The following OSBPL11 variants were observed in gnomAD, a reference collection of about 807,000 sequenced individuals.
OSBPL11 encodes the protein oxysterol-binding protein-related protein 11.
A neutral mutation model predicts 84.4 loss-of-function variants in OSBPL11; 33 were observed. That is an observed-to-expected ratio of 0.39 (90% CI 0.30 to 0.52). The LOEUF is 0.52. OSBPL11 is among the 20% of genes least tolerant of loss of function. The pLI, the probability that OSBPL11 is intolerant of heterozygous loss-of-function variation, is 0.72. For missense variants in OSBPL11, 736 were observed against 901.1 expected (o/e 0.82, Z 2.35); for synonymous variants, 276 against 310.2 (o/e 0.89, Z 1.16).
intron 2 of OSBPL11, among the ~76,000 whole-genome samples, chr3:125,580,742 A>T (rs1228080682): frequency 6.6e-6 from 1 of 152,170 alleles, no homozygotes; most frequent in African/African-American, 2.4e-5. Context: ...ATTCACCGGA[A>T]ATAAATCAAA....
At chr3:125,586,598 C>T (rs1292584456) in intron 1 of OSBPL11, among the ~76,000 whole-genome samples, 1 of 151,878 alleles carries the variant, frequency 6.6e-6, no homozygotes, top group African/African-American at 2.4e-5. Context: ...CTACAACCTC[C>T]GCCTGCTGTG....
intron 5 of OSBPL11, among the ~76,000 whole-genome samples, chr3:125,571,255 G>A (rs1936238052): frequency 6.6e-6 from 1 of 152,196 alleles, no homozygotes; most frequent in African/African-American, 2.4e-5. Flanking sequence ...TTTCTAAGCA[G>A]CAAAGCATTC....
intron 1 of OSBPL11, among the ~76,000 whole-genome samples, chr3:125,593,577 G>A (rs191991911): frequency 0.015 from 2,230 of 149,394 alleles, 36 homozygotes; most frequent in Non-Finnish European, 0.02. Context: ...CCGAGATCGC[G>A]CCACCACACT....
At chr3:125,555,783 C>G (rs1215657027) in intron 8 of OSBPL11, among the ~76,000 whole-genome samples, 1 of 152,086 alleles carries the variant, frequency 6.6e-6, no homozygotes, top group African/African-American at 2.4e-5. Context: ...CTCCCAGGTT[C>G]AAGTGATTCC....
In OSBPL11 at chr3:125,530,310, G is replaced by C; in HGVS notation, c.*205C>G. ...TAAGATGGTATTGCTCACATCACAT[G>C]AACAGGTTGGTAAAAGGTCCACTGT... On this transcript the variant is annotated 3_prime_UTR_variant, in exon 13 of 13. Transcript: ENST00000296220. 1.7e-6 allele frequency: 1 copy of C among 587,978 alleles called. No homozygotes were observed. Among genetic ancestry groups the C allele is most frequent in the Non-Finnish European group, 3.1e-6 (1 of 325,288 alleles). 36.4% of individuals were successfully genotyped at this position (587,978 alleles called of 1,614,324 possible).
intron 12 of OSBPL11, among the ~76,000 whole-genome samples, chr3:125,531,511 G>C (rs1177835787): frequency 1.3e-5 from 2 of 148,882 alleles, no homozygotes; most frequent in African/African-American, 5.0e-5. Context: ...GGCTGGTCTC[G>C]AACTCCTGAC....
At chr3:125,577,780 T>A (rs1580059644) in intron 4 of OSBPL11, among the ~76,000 whole-genome samples, 1 of 151,426 alleles carries the variant, frequency 6.6e-6, no homozygotes, top group African/African-American at 2.4e-5. Flanking sequence ...AGTGAGCTGA[T>A]ATCGTGCCAC....
At chr3:125,550,585 TTAA>T (rs538160434) in intron 9 of OSBPL11, among the ~76,000 whole-genome samples, 10 of 152,202 alleles carry the variant, frequency 6.6e-5, no homozygotes, top group Non-Finnish European at 1.5e-4. Flanking sequence ...TTAGATTGGC[TTAA>T]TGATGCCATG....
intron 10 of OSBPL11, among the ~76,000 whole-genome samples, chr3:125,545,817 G>C (rs1231923659): frequency 6.6e-6 from 1 of 152,102 alleles, no homozygotes; most frequent in Non-Finnish European, 1.5e-5. Flanking sequence ...AGTAAGGGAA[G>C]ACAGGTAGAA....
At chr3:125,550,924 T>C (rs550076643) in intron 9 of OSBPL11, among the ~76,000 whole-genome samples, 138 of 152,076 alleles carry the variant, frequency 9.1e-4, no homozygotes, top group African/African-American at 3.2e-3. Context: ...TGCCTGGAGG[T>C]GGAGGCCAAA....
At chr3:125,583,074 G>A (rs1936452097) in intron 1 of OSBPL11, 96 bp from the exon 2 acceptor site, 1 of 790,552 alleles carries the variant, frequency 1.3e-6, no homozygotes, top group Non-Finnish European at 2.0e-6. Context: ...ATACATATAT[G>A]CTCTATAAAT....
chr3:125,594,356 G>A (rs1936647652), intron 1 of OSBPL11, among the ~76,000 whole-genome samples: 1 of 152,214 alleles, frequency 6.6e-6, no homozygotes, highest in African/African-American at 2.4e-5. Flanking sequence ...GCAGAAGTGA[G>A]TACAGAATTA....
intron 7 of OSBPL11, among the ~76,000 whole-genome samples, chr3:125,562,529 T>C (rs183234971): frequency 9.8e-5 from 15 of 152,302 alleles, no homozygotes; most frequent in African/African-American, 3.4e-4. Context: ...ATATATTTCT[T>C]TAAAGAAGTA....
intron 12 of OSBPL11, among the ~76,000 whole-genome samples, chr3:125,531,178 C>T (rs559901050): frequency 1.5e-3 from 224 of 151,310 alleles, no homozygotes; most frequent in Non-Finnish European, 2.6e-3. Context: ...GGGGGTTTCA[C>T]CATGTTGGCC....
chr3:125,552,066 T>A (rs1476814077), intron 9 of OSBPL11, 115 bp downstream of exon 9: 1 of 574,346 alleles, frequency 1.7e-6, no homozygotes, highest in Non-Finnish European at 2.4e-6. Flanking sequence ...TTTCCTTTCT[T>A]TCCTGTTCTA....
chr3:125,546,177 G>GTT (rs761359055), intron 10 of OSBPL11, among the ~76,000 whole-genome samples: 11,062 of 122,924 alleles, frequency 0.09, 924 homozygotes, highest in African/African-American at 0.25. Context: ...GTGTGTGTGT[G>GTT]TTTTTTTTTT....
intron 1 of OSBPL11, among the ~76,000 whole-genome samples, chr3:125,584,110 A>G (rs1936470280): frequency 6.6e-6 from 1 of 152,164 alleles, no homozygotes. Context: ...CACGCCTGTA[A>G]TCCCAGCACT....
chr3:125,585,835 T>G (rs1440073224), intron 1 of OSBPL11, among the ~76,000 whole-genome samples: 1 of 152,210 alleles, frequency 6.6e-6, no homozygotes, highest in Non-Finnish European at 1.5e-5. Context: ...GCATAAAAAG[T>G]GCTCTGTGAC....
rs374993399 is a variant in OSBPL11 at position 125,563,758 on chromosome 3, C to G, written c.954G>C (p.Gln318His). The change falls in exon 7 of 13, where the codon CAG becomes CAC. Residue 318 changes from glutamine (Q) to histidine (H), a missense_variant. Coordinates refer to ENST00000296220, the MANE Select transcript of OSBPL11 (RefSeq NM_022776.5). Reference sequence around the variant, plus strand: ...CTTCTGGGACTGCCACCGGCTTACTCTGATCAGTTGCAAAGGGCTGGTCAG... The same window carrying G: ...CTTCTGGGACTGCCACCGGCTTACTGTGATCAGTTGCAAAGGGCTGGTCAG... ...NGADQPFATD[Q>H]SKPVAVPEEQ... 37 of 1,614,080 alleles carry G rather than the reference C, an allele frequency of 2.3e-5. No homozygotes were observed. The African/African-American group carries it at 4.4e-4, about 19-fold the overall frequency.
Sources: allele counts gnomAD v4.1 joint callset (sites outside exome capture counted in the v4.1 genomes callset), GRCh38; gene constraint gnomAD v4.1.1; transcripts MANE v1.5; gene names NCBI Gene and HGNC (gene_info 2026-07-23, HGNC 2026-07-21).